The following EDIL3 variants were observed in gnomAD, a reference collection of about 807,000 sequenced individuals.
The protein encoded by EDIL3 is EGF-like repeat and discoidin I-like domain-containing protein 3.
EDIL3 carries 37 observed loss-of-function variants against 67.4 expected under a neutral mutation model. The observed-to-expected ratio is 0.55, with a 90% CI of 0.42 to 0.72. The LOEUF (loss-of-function observed/expected upper bound fraction) is 0.72. Among genes scored for constraint, EDIL3 ranks in the 30% least tolerant of loss-of-function variants. The pLI is 0.00. For synonymous variants in EDIL3, 195 were observed against 196.3 expected (o/e 0.99, Z 0.05); for missense variants, 527 against 586.3 (o/e 0.90, Z 1.04).
chr5:84,013,420 A>T (rs1423048672), intron 9 of EDIL3, among the ~76,000 whole-genome samples: 1 of 152,126 alleles, frequency 6.6e-6, no homozygotes, highest in Non-Finnish European at 1.5e-5. Flanking sequence ...TTTTGTAAAT[A>T]ATTATCTTAT....
At chr5:84,321,207 G>A (rs893659378) in intron 1 of EDIL3, among the ~76,000 whole-genome samples, 2 of 151,818 alleles carry the variant, frequency 1.3e-5, no homozygotes, top group Admixed American at 6.6e-5. Flanking sequence ...AGTACCCCTG[G>A]TGTATATCTG....
intron 5 of EDIL3, among the ~76,000 whole-genome samples, chr5:84,127,818 T>C (rs1309245886): frequency 6.6e-6 from 1 of 152,114 alleles, no homozygotes; most frequent in Non-Finnish European, 1.5e-5. Flanking sequence ...TCTTACTTTC[T>C]CCCTTGGCAA....
intron 9 of EDIL3, among the ~76,000 whole-genome samples, chr5:83,969,533 T>C (rs1310793291): frequency 6.6e-6 from 1 of 151,882 alleles, no homozygotes; most frequent in Non-Finnish European, 1.5e-5. Context: ...ATTTAATTTG[T>C]TTCCAATTCT....
At chr5:84,245,110 A>C (rs1744880417) in intron 2 of EDIL3, among the ~76,000 whole-genome samples, 2 of 152,126 alleles carry the variant, frequency 1.3e-5, no homozygotes, top group Admixed American at 1.3e-4. Context: ...GATTTTAGAG[A>C]ATGTCCCTTT....
intron 9 of EDIL3, among the ~76,000 whole-genome samples, chr5:84,045,413 A>G (rs1032714394): frequency 6.6e-6 from 1 of 152,196 alleles, no homozygotes; most frequent in Non-Finnish European, 1.5e-5. Flanking sequence ...CAAGAGCAGC[A>G]TAAAGATTCT....
At chr5:84,191,379 G>A (rs1743582191) in intron 3 of EDIL3, among the ~76,000 whole-genome samples, 1 of 151,978 alleles carries the variant, frequency 6.6e-6, no homozygotes, top group Non-Finnish European at 1.5e-5. Context: ...AGATGTTCCT[G>A]CTGCACTCAT....
chr5:84,041,547 C>CAT (rs59892790), intron 9 of EDIL3, among the ~76,000 whole-genome samples: 18,285 of 146,490 alleles, frequency 0.12, 1,832 homozygotes, highest in African/African-American at 0.28. Flanking sequence ...TGTGTGTGTG[C>CAT]ATATATATAT....
intron 4 of EDIL3, among the ~76,000 whole-genome samples, chr5:84,138,215 T>A (rs1022322927): frequency 6.6e-6 from 1 of 152,210 alleles, no homozygotes; most frequent in Non-Finnish European, 1.5e-5. Context: ...CCTCATCCTA[T>A]GAGCTATTCC....
At chr5:84,025,254 C>T (rs906643843) in intron 9 of EDIL3, among the ~76,000 whole-genome samples, 8 of 152,008 alleles carry the variant, frequency 5.3e-5, no homozygotes, top group African/African-American at 1.9e-4. Flanking sequence ...TGGTCAGTGG[C>T]CTGTTAGGAC....
At chr5:84,007,581 A>G (rs1283217602) in intron 9 of EDIL3, among the ~76,000 whole-genome samples, 1 of 152,188 alleles carries the variant, frequency 6.6e-6, no homozygotes, top group African/African-American at 2.4e-5. Context: ...GTTAGATATC[A>G]TGTCATTCCA....
chr5:84,150,203 A>T (rs115142387), intron 4 of EDIL3, among the ~76,000 whole-genome samples: 1 of 152,174 alleles, frequency 6.6e-6, no homozygotes, highest in Non-Finnish European at 1.5e-5. Context: ...ATGCTGAAAT[A>T]ATTGAATATA....
chr5:84,222,155 A>T (rs865776735), intron 3 of EDIL3, among the ~76,000 whole-genome samples: 6 of 151,874 alleles, frequency 4.0e-5, no homozygotes, highest in Non-Finnish European at 7.4e-5. Context: ...GTGTAACTAA[A>T]ATTAAATATT....
At chr5:84,052,207 C>T (rs1299711158) in intron 9 of EDIL3, among the ~76,000 whole-genome samples, 1 of 152,136 alleles carries the variant, frequency 6.6e-6, no homozygotes, top group Non-Finnish European at 1.5e-5. Flanking sequence ...TCCAGCCAAA[C>T]TAAGCTTCAT....
intron 9 of EDIL3, among the ~76,000 whole-genome samples, chr5:84,004,762 T>C (rs1745384100): frequency 6.6e-6 from 1 of 151,894 alleles, no homozygotes. Flanking sequence ...CAACCTAACA[T>C]CACATCTAGA....
At chr5:84,349,690 C>T (rs770404156) in intron 1 of EDIL3, among the ~76,000 whole-genome samples, 6 of 151,950 alleles carry the variant, frequency 3.9e-5, no homozygotes, top group African/African-American at 1.2e-4. Flanking sequence ...TTTTTCTCTT[C>T]GTACACCACC....
intron 4 of EDIL3, among the ~76,000 whole-genome samples, chr5:84,141,924 CACAT>C (rs1272390340): frequency 1.6e-5 from 2 of 128,706 alleles, no homozygotes; most frequent in Admixed American, 8.2e-5. Flanking sequence ...TATATATATA[CACAT>C]ATATATATAT....
chr5:84,368,931 A>G (rs1433288283), intron 1 of EDIL3, among the ~76,000 whole-genome samples: 1 of 152,142 alleles, frequency 6.6e-6, no homozygotes, highest in Non-Finnish European at 1.5e-5. Context: ...ATACCATTTT[A>G]CACTAATTAA....
chr5:84,290,753 C>T (rs764796591), intron 1 of EDIL3, among the ~76,000 whole-genome samples: 18 of 152,108 alleles, frequency 1.2e-4, no homozygotes, highest in Non-Finnish European at 7.4e-5. Context: ...CCACTTCTTT[C>T]GGTCTTCATT....
chr5:84,141,631 T>C (rs1748190902), intron 4 of EDIL3, among the ~76,000 whole-genome samples: 2 of 148,726 alleles, frequency 1.3e-5, no homozygotes, highest in Non-Finnish European at 3.0e-5. Flanking sequence ...AGGTAAATAG[T>C]TGAATTTCTC....
Sources: gnomAD v4.1 joint callset for allele counts (sites outside exome capture counted in the v4.1 genomes callset) on GRCh38, gnomAD v4.1.1 for gene constraint, MANE v1.5 for transcripts, NCBI Gene and HGNC (gene_info 2026-07-23, HGNC 2026-07-21) for gene names.